Variants in PRDM16 observed in about 807,000 individuals in gnomAD.
The protein encoded by PRDM16 is histone-lysine N-methyltransferase PRDM16.
A neutral mutation model predicts 110.6 loss-of-function variants in PRDM16; 23 were observed. The observed-to-expected ratio is 0.21, with a 90% confidence interval of 0.15 to 0.29. The LOEUF (loss-of-function observed/expected upper bound fraction) is 0.29, where lower values mean the gene tolerates loss of function less well. PRDM16 is among the 10% of genes least tolerant of loss of function. PRDM16 has a pLI of 1.00. For missense variants in PRDM16, 1,615 were observed against 1,794.3 expected (o/e 0.90, Z 1.81); for synonymous variants, 799 against 781.8 (o/e 1.02, Z -0.37).
intron 1 of PRDM16, among the ~76,000 whole-genome samples, chr1:3,155,245 G>A (rs1473272270): frequency 2.6e-5 from 4 of 152,244 alleles, no homozygotes; most frequent in Non-Finnish European, 5.9e-5. Flanking sequence ...GCCAAGGCAG[G>A]CGGTGGGACC....
In PRDM16 at chr1:3,213,045, G is replaced by T. The variant is rs1638934622; in HGVS notation, c.387+26571G>T. Among the ~76,000 whole-genome samples the T allele has an allele frequency of 6.6e-6, 1 of 152,208 alleles. No individual in the cohort carries two copies. Among genetic ancestry groups the T allele is most frequent in the South Asian group, 2.1e-4 (1 of 4,834 alleles). ...CAGGTCTCACCCAGAAAGGAAAGCGGGGTCGGCTCGCCCGCCTGCCGCACG... is the reference window on the plus strand; with the variant it reads ...CAGGTCTCACCCAGAAAGGAAAGCGTGGTCGGCTCGCCCGCCTGCCGCACG... On this transcript the variant is annotated intron_variant, in intron 2 of 16. Transcript: ENST00000270722. The surrounding 1 kb of genome is among the most constrained non-coding windows in gnomAD (Gnocchi z 5.3).
intron 2 of PRDM16, among the ~76,000 whole-genome samples, chr1:3,238,430 T>C (rs1639587153): frequency 1.3e-5 from 2 of 152,316 alleles, no homozygotes; most frequent in South Asian, 4.1e-4. Flanking sequence ...AGTAACTGTT[T>C]AGGCATAAAA....
chr1:3,098,766 C>A (rs1446634327), intron 1 of PRDM16, among the ~76,000 whole-genome samples: 4 of 152,348 alleles, frequency 2.6e-5, no homozygotes, highest in Non-Finnish European at 5.9e-5. Flanking sequence ...GGGCTTCCCT[C>A]TGATGCCCTT....
chr1:3,252,652 GAGA>G (rs1639961237), intron 3 of PRDM16, among the ~76,000 whole-genome samples: 1 of 152,142 alleles, frequency 6.6e-6, no homozygotes, highest in South Asian at 2.1e-4. Context: ...CAGGTCCCAG[GAGA>G]AGGTTGTAGA....
intron 3 of PRDM16, among the ~76,000 whole-genome samples, chr1:3,285,194 T>G (rs1640817488): frequency 6.6e-6 from 1 of 152,100 alleles, no homozygotes; most frequent in Non-Finnish European, 1.5e-5. Context: ...GTGGGCTGTG[T>G]GGACTGCAGC....
At chr1:3,145,417 G>A (rs1643628217) in intron 1 of PRDM16, among the ~76,000 whole-genome samples, 1 of 152,160 alleles carries the variant, frequency 6.6e-6, no homozygotes. Flanking sequence ...GTGCTTTTGG[G>A]TGTTCCCCAG....
intron 2 of PRDM16, among the ~76,000 whole-genome samples, chr1:3,188,510 C>G (rs1266131814): frequency 1.3e-5 from 2 of 152,206 alleles, no homozygotes; most frequent in Non-Finnish European, 2.9e-5. Flanking sequence ...GGAACGCGCT[C>G]TCCTCACGGC....
In PRDM16 at chr1:3,243,649, G is replaced by A. The variant is rs1012454312; in HGVS notation, c.388-438G>A. Among the ~76,000 whole-genome samples, 6 of 152,252 alleles carry A rather than the reference G, an allele frequency of 3.9e-5. No homozygotes were observed. The South Asian group carries it at 6.2e-4, about 16-fold the overall frequency. ...TAGGCCAAGTTACGTCTAAATACAC[G>A]TGGTGTGATTCGCCGGCGGAACTTG... On this transcript the variant is annotated intron_variant, in intron 2 of 16. Coordinates refer to ENST00000270722, the MANE Select transcript of PRDM16 (RefSeq NM_022114.4). This position sits in a 1 kb window ranked among gnomAD's most constrained non-coding sequence, Gnocchi z 5.5.
chr1:3,173,949 G>A (rs908628011), intron 1 of PRDM16, among the ~76,000 whole-genome samples: 3 of 152,046 alleles, frequency 2.0e-5, no homozygotes, highest in South Asian at 2.1e-4. Context: ...GGCCGGGCCC[G>A]TGCTATGGCC....
At chr1:3,348,315 G>C (rs1389491368) in intron 3 of PRDM16, among the ~76,000 whole-genome samples, 1 of 152,216 alleles carries the variant, frequency 6.6e-6, no homozygotes, top group Non-Finnish European at 1.5e-5. Flanking sequence ...TCCAGGCCCT[G>C]AGCTTTTTGG....
intron 12 of PRDM16, among the ~76,000 whole-genome samples, chr1:3,421,403 C>G (rs1638423908): frequency 6.6e-6 from 1 of 152,230 alleles, no homozygotes. Flanking sequence ...CCTGCACGTT[C>G]TCCTTCCTTT....
At chr1:3,184,005 CA>C (rs1205984141) in intron 1 of PRDM16, among the ~76,000 whole-genome samples, 3 of 152,146 alleles carry the variant, frequency 2.0e-5, no homozygotes, top group African/African-American at 7.2e-5. Flanking sequence ...CCACCCCCCC[CA>C]ATGTACCTTT....
chr1:3,360,327 G>T (rs1642689652), intron 3 of PRDM16, among the ~76,000 whole-genome samples: 1 of 152,174 alleles, frequency 6.6e-6, no homozygotes, highest in African/African-American at 2.4e-5. Context: ...GCTCTGCCTT[G>T]CCAGGATGGA....
At chr1:3,241,105 C>A (rs1639663990) in intron 2 of PRDM16, among the ~76,000 whole-genome samples, 1 of 152,220 alleles carries the variant, frequency 6.6e-6, no homozygotes, top group Admixed American at 6.5e-5. Flanking sequence ...CGCCATTTTT[C>A]CAGCCGAGGT....
At chr1:3,430,672 G>T (rs909768833) in intron 14 of PRDM16, among the ~76,000 whole-genome samples, 200 bp from the exon 15 acceptor site, 1 of 152,200 alleles carries the variant, frequency 6.6e-6, no homozygotes, top group African/African-American at 2.4e-5. Flanking sequence ...CTCCTCTCCC[G>T]GGATCGCCCC....
chr1:3,373,811 C>T (rs1329516296), intron 3 of PRDM16, among the ~76,000 whole-genome samples: 1 of 152,264 alleles, frequency 6.6e-6, no homozygotes. Context: ...TGCTGCCCTC[C>T]CTGCCATCCC....
chr1:3,368,744 G>A (rs1642860121), intron 3 of PRDM16, among the ~76,000 whole-genome samples: 1 of 151,998 alleles, frequency 6.6e-6, no homozygotes, highest in Non-Finnish European at 1.5e-5. Context: ...CATCAATAGA[G>A]GCAGATCTGC....
chr1:3,225,592 G>T (rs1463545885), intron 2 of PRDM16, among the ~76,000 whole-genome samples: 1 of 150,548 alleles, frequency 6.6e-6, no homozygotes, highest in African/African-American at 2.5e-5. Flanking sequence ...GCAGAAGGAA[G>T]GAAACGCAAG....
At chr1:3,273,976 TAAAAAAAAAAAA>T (rs927412647) in intron 3 of PRDM16, among the ~76,000 whole-genome samples, 2 of 68,538 alleles carry the variant, frequency 2.9e-5, no homozygotes, top group Admixed American at 1.6e-4. Flanking sequence ...TATGGGGAGG[TAAAAAAAAAAAA>T]AAAAAAAAAA....
Sources: gnomAD v4.1 joint callset for allele counts (sites outside exome capture counted in the v4.1 genomes callset) on GRCh38, gnomAD v4.1.1 for gene constraint, Gnocchi (gnomAD v3.1) non-coding constraint, MANE v1.5 for transcripts, NCBI Gene and HGNC (gene_info 2026-07-23, HGNC 2026-07-21) for gene names.